The following MAPK10 variants were observed in gnomAD, a reference collection of about 807,000 sequenced individuals.
MAPK10 encodes the protein mitogen-activated protein kinase 10.
Under a neutral mutation model 59.3 loss-of-function variants are expected in MAPK10, and 25 were observed. The ratio of observed to expected loss-of-function variants is 0.42; its 90% CI spans 0.31 to 0.59. The LOEUF is 0.59. Ranked by LOEUF, MAPK10 falls within the 20% of genes least tolerant of loss-of-function variation. MAPK10 has a pLI of 0.15. For synonymous variants in MAPK10, 190 were observed against 200.5 expected (o/e 0.95, Z 0.44); for missense variants, 351 against 568.9 (o/e 0.62, Z 3.90).
At chr4:86,047,149 A>C (rs905206481) in intron 11 of MAPK10, among the ~76,000 whole-genome samples, 10 of 152,096 alleles carry the variant, frequency 6.6e-5, no homozygotes, top group African/African-American at 2.4e-4. Context: ...CCTCTGCTAC[A>C]TATGAAACCC....
chr4:86,271,333 T>C (rs917861229), intron 2 of MAPK10, among the ~76,000 whole-genome samples: 1 of 152,098 alleles, frequency 6.6e-6, no homozygotes, highest in African/African-American at 2.4e-5. Flanking sequence ...TAAGTATCTC[T>C]TTAAGTCCTT....
At chr4:86,324,511 G>A (rs1012035620) in intron 2 of MAPK10, among the ~76,000 whole-genome samples, 6 of 152,090 alleles carry the variant, frequency 3.9e-5, no homozygotes, top group African/African-American at 1.2e-4. Flanking sequence ...AAAAAAGGCA[G>A]CAGATAAGCA....
chr4:86,490,326 T>C (rs931868189), intron 1 of MAPK10, among the ~76,000 whole-genome samples: 1 of 152,142 alleles, frequency 6.6e-6, no homozygotes, highest in African/African-American at 2.4e-5. Flanking sequence ...TTGAGCAAGC[T>C]TGACAGAGGC....
chr4:86,529,502 T>C (rs1757710549), intron 1 of MAPK10, among the ~76,000 whole-genome samples: 1 of 152,216 alleles, frequency 6.6e-6, no homozygotes, highest in Non-Finnish European at 1.5e-5. Context: ...CATCAGGAAG[T>C]CTACTACTTC....
intron 4 of MAPK10, among the ~76,000 whole-genome samples, chr4:86,127,903 A>G (rs1264698261): frequency 6.6e-6 from 1 of 152,116 alleles, no homozygotes; most frequent in African/African-American, 2.4e-5. Context: ...GGAAGCCTAC[A>G]ATGTAAAGAC....
intron 2 of MAPK10, among the ~76,000 whole-genome samples, chr4:86,342,362 G>T (rs1029252957): frequency 6.6e-6 from 1 of 152,152 alleles, no homozygotes; most frequent in Non-Finnish European, 1.5e-5. Flanking sequence ...GGAATTGACT[G>T]AGAACAAGTT....
intron 2 of MAPK10, among the ~76,000 whole-genome samples, chr4:86,281,710 T>C (rs2094815700): frequency 6.6e-6 from 1 of 152,010 alleles, no homozygotes; most frequent in Non-Finnish European, 1.5e-5. Context: ...GAAGAGCACA[T>C]AGTCTTTCAA....
At chr4:86,271,787 A>G (rs1048041424) in intron 2 of MAPK10, among the ~76,000 whole-genome samples, 1 of 151,956 alleles carries the variant, frequency 6.6e-6, no homozygotes. Context: ...AAAAACATCA[A>G]ATCTCATGAG....
At chr4:86,559,264 G>A (rs1417013433) in intron 1 of MAPK10, among the ~76,000 whole-genome samples, 1 of 150,458 alleles carries the variant, frequency 6.6e-6, no homozygotes, top group Non-Finnish European at 1.5e-5. Flanking sequence ...TTTTTTGGAG[G>A]AGATAAGGCT....
chr4:86,547,394 A>C (rs1336877165), intron 1 of MAPK10, among the ~76,000 whole-genome samples: 1 of 152,228 alleles, frequency 6.6e-6, no homozygotes, highest in East Asian at 1.9e-4. Context: ...CACTCCCAGC[A>C]GTCGGCCGGC....
At chr4:86,272,103 T>C (rs1262535977) in intron 2 of MAPK10, among the ~76,000 whole-genome samples, 1 of 152,104 alleles carries the variant, frequency 6.6e-6, no homozygotes, top group Non-Finnish European at 1.5e-5. Flanking sequence ...GGTTTTCTGC[T>C]CCTGCATTGA....
chr4:86,319,273 C>T (rs1328525210), intron 2 of MAPK10, among the ~76,000 whole-genome samples: 2 of 151,914 alleles, frequency 1.3e-5, no homozygotes, highest in Admixed American at 6.6e-5. Flanking sequence ...GAAGCCGTGC[C>T]GGGGCCAGAA....
chr4:86,320,005 CA>C (rs1174943476), intron 2 of MAPK10, among the ~76,000 whole-genome samples: 4 of 152,170 alleles, frequency 2.6e-5, no homozygotes, highest in Non-Finnish European at 5.9e-5. Context: ...TCAGATGTTT[CA>C]AAAAGTTGTC....
chr4:86,200,825 C>T (rs2082454102), intron 2 of MAPK10, among the ~76,000 whole-genome samples: 2 of 151,818 alleles, frequency 1.3e-5, no homozygotes, highest in Admixed American at 6.6e-5. Flanking sequence ...ATATCCATCA[C>T]CTCAAGCATT....
intron 1 of MAPK10, among the ~76,000 whole-genome samples, chr4:86,557,381 T>G (rs76107784): frequency 0.047 from 7,118 of 152,134 alleles, 218 homozygotes; most frequent in African/African-American, 0.059. Flanking sequence ...ATTGTTCCCA[T>G]GTACTGACAT....
At chr4:86,519,707 G>A (rs745747737) in intron 1 of MAPK10, among the ~76,000 whole-genome samples, 3 of 152,002 alleles carry the variant, frequency 2.0e-5, no homozygotes, top group South Asian at 2.1e-4. Context: ...TGTTTTGTAC[G>A]TCTTGTGAGA....
At chr4:86,070,002 T>C (rs1331422544) in intron 9 of MAPK10, among the ~76,000 whole-genome samples, 2 of 152,224 alleles carry the variant, frequency 1.3e-5, no homozygotes, top group Non-Finnish European at 2.9e-5. Flanking sequence ...TTTCTTGTAA[T>C]AAATCATAAT....
chr4:86,215,689 C>T (rs978120180), intron 2 of MAPK10, among the ~76,000 whole-genome samples: 1 of 152,014 alleles, frequency 6.6e-6, no homozygotes, highest in Non-Finnish European at 1.5e-5. Flanking sequence ...GGTGAAACCC[C>T]GTCTCTACTA....
chr4:86,313,023 A>G (rs2095701728), intron 2 of MAPK10, among the ~76,000 whole-genome samples: 1 of 152,236 alleles, frequency 6.6e-6, no homozygotes, highest in Admixed American at 6.5e-5. Flanking sequence ...ATATACATAC[A>G]TGTACATAAA....
Sources: allele counts gnomAD v4.1 joint callset (sites outside exome capture counted in the v4.1 genomes callset), GRCh38; gene constraint gnomAD v4.1.1; transcripts MANE v1.5; gene names NCBI Gene and HGNC (gene_info 2026-07-23, HGNC 2026-07-21).